MAGI2: variants seen among roughly 807,000 people sequenced by gnomAD.
MAGI2 encodes membrane-associated guanylate kinase, WW and PDZ domain-containing protein 2.
Under a neutral mutation model 133.3 loss-of-function variants are expected in MAGI2, and 35 were observed. The ratio of observed to expected loss-of-function variants is 0.26; its 90% CI spans 0.20 to 0.35. MAGI2 has a LOEUF of 0.35. Among genes scored for constraint, MAGI2 ranks in the 10% least tolerant of loss-of-function variants. MAGI2 has a pLI of 1.00. For missense variants in MAGI2, 1,636 were observed against 1,863.4 expected (o/e 0.88, Z 2.25); for synonymous variants, 729 against 710.6 (o/e 1.03, Z -0.41).
chr7:78,695,357 C>T (rs1817400472), intron 2 of MAGI2, among the ~76,000 whole-genome samples: 2 of 152,218 alleles, frequency 1.3e-5, no homozygotes, highest in African/African-American at 4.8e-5. Context: ...CTGACAGTCA[C>T]ATTTACAATG....
chr7:78,757,567 C>T (rs941786367), intron 2 of MAGI2, among the ~76,000 whole-genome samples: 2 of 152,160 alleles, frequency 1.3e-5, no homozygotes, highest in South Asian at 4.2e-4. Flanking sequence ...CTTGAACTCT[C>T]AATGTCACTA....
intron 21 of MAGI2, among the ~76,000 whole-genome samples, chr7:78,049,598 T>C (rs542354099): frequency 6.6e-6 from 1 of 152,352 alleles, no homozygotes; most frequent in African/African-American, 2.4e-5. Context: ...ATGATGTTTT[T>C]TTTAAGTGGC....
rs996387623 is a variant in MAGI2 at position 78,019,665 on chromosome 7, C to A, written c.4018G>T (p.Ala1340Ser). ...EAPGGQGRPE[A>S]GRPASEARAP... ...CTGGCCTCCGAGGCGGGCCTGCCGG[C>A]CTCGGGCCGCCCCTGGCCGCCGGGC... The change falls in exon 22 of 22, where the codon GCC becomes TCC. Residue 1340 changes from alanine to serine, a missense_variant. Transcript: ENST00000354212. 2 of 1,303,484 alleles carry A rather than the reference C, an allele frequency of 1.5e-6. No homozygotes were observed. Among genetic ancestry groups the A allele is most frequent in the African/African-American group, 1.6e-5 (1 of 63,416 alleles). 80.7% of individuals were successfully genotyped at this position (1,303,484 alleles called of 1,614,324 possible).
chr7:78,562,749 G>T (rs1410825463), intron 3 of MAGI2, among the ~76,000 whole-genome samples: 1 of 152,160 alleles, frequency 6.6e-6, no homozygotes, highest in Non-Finnish European at 1.5e-5. Flanking sequence ...TTGGATGTGT[G>T]CTAGGCAGAG....
At chr7:78,832,720 TTATTGTAAA>T (rs1251565916) in intron 2 of MAGI2, among the ~76,000 whole-genome samples, 2 of 152,184 alleles carry the variant, frequency 1.3e-5, no homozygotes, top group African/African-American at 2.4e-5. Flanking sequence ...ATGCTCCTGA[TTATTGTAAA>T]TACAAAGTGG....
chr7:78,826,271 A>G (rs1348406522), intron 2 of MAGI2, among the ~76,000 whole-genome samples: 2 of 150,764 alleles, frequency 1.3e-5, no homozygotes, highest in African/African-American at 2.4e-5. Flanking sequence ...GGAGAACGGC[A>G]TGAACCCGGG....
At chr7:78,168,557 T>C (rs982577156) in intron 14 of MAGI2, among the ~76,000 whole-genome samples, 17 of 152,214 alleles carry the variant, frequency 1.1e-4, no homozygotes, top group African/African-American at 4.1e-4. Context: ...AGGTGAGGAT[T>C]GAATTCTGGC....
At chr7:78,425,328 A>C (rs6466212) in intron 6 of MAGI2, among the ~76,000 whole-genome samples, 1 of 151,994 alleles carries the variant, frequency 6.6e-6, no homozygotes, top group African/African-American at 2.4e-5. Context: ...AGCCACGTGG[A>C]ACTGTAAGTC....
chr7:78,769,197 A>G (rs180808822), intron 2 of MAGI2, among the ~76,000 whole-genome samples: 157 of 152,280 alleles, frequency 1.0e-3, no homozygotes, highest in Non-Finnish European at 1.9e-3. Flanking sequence ...AAAAAGGGAA[A>G]ACATGATAAG....
At chr7:79,148,818 C>CAT (rs1172894431) in intron 1 of MAGI2, among the ~76,000 whole-genome samples, 84 of 147,728 alleles carry the variant, frequency 5.7e-4, no homozygotes, top group African/African-American at 1.5e-3. Flanking sequence ...GGTGGTTATC[C>CAT]ATATATATAT....
At chr7:79,203,166 T>C (rs879072374) in intron 1 of MAGI2, among the ~76,000 whole-genome samples, 1 of 152,076 alleles carries the variant, frequency 6.6e-6, no homozygotes, top group African/African-American at 2.4e-5. Context: ...CCAGTGATAC[T>C]AACACTAGTA....
intron 2 of MAGI2, among the ~76,000 whole-genome samples, chr7:78,963,726 TC>T (rs1803063582): frequency 6.6e-6 from 1 of 151,828 alleles, no homozygotes; most frequent in African/African-American, 2.4e-5. Flanking sequence ...TCCTTTTTTT[TC>T]CTTAAAAAAA....
Position 78,649,268 on chromosome 7 carries a change from TA to T in MAGI2, c.419-22030del, listed in dbSNP as rs551726122. Among the ~76,000 whole-genome samples the T allele has an allele frequency of 3.0e-3, 241 of 79,968 alleles. 2 individuals carry two copies. Among genetic ancestry groups the T allele is most frequent in the African/African-American group, 0.013 (230 of 17,576 alleles). The allele number at this position is 79,968 out of a possible 152,430, so 52.5% of individuals were successfully genotyped here. ...AAAGAAAAAAAGTAATGACACTTTT[TA>T]AAAATTTGCATTTTTATAAATTTTT... On this transcript the variant is annotated intron_variant, in intron 2 of 21. Coordinates refer to ENST00000354212, the MANE Select transcript of MAGI2 (RefSeq NM_012301.4).
chr7:79,330,827 C>G (rs147472443), intron 1 of MAGI2, among the ~76,000 whole-genome samples: 1 of 152,008 alleles, frequency 6.6e-6, no homozygotes, highest in Non-Finnish European at 1.5e-5. Context: ...ATATGCAATA[C>G]AAGTTGCTAT....
chr7:79,319,466 T>A (rs1371402771), intron 1 of MAGI2, among the ~76,000 whole-genome samples: 1 of 152,144 alleles, frequency 6.6e-6, no homozygotes, highest in South Asian at 2.1e-4. Flanking sequence ...GTCATGTAAC[T>A]AAGTCTGGCC....
At chr7:78,950,148 C>G (rs1273793959) in intron 2 of MAGI2, among the ~76,000 whole-genome samples, 1 of 152,116 alleles carries the variant, frequency 6.6e-6, no homozygotes, top group African/African-American at 2.4e-5. Context: ...TGATGATTCT[C>G]CTGGTCTTCC....
intron 2 of MAGI2, among the ~76,000 whole-genome samples, chr7:78,641,628 A>T (rs17151226): frequency 0.066 from 10,097 of 152,018 alleles, 452 homozygotes; most frequent in Non-Finnish European, 0.093. Context: ...GCACTACCTC[A>T]AGAGAGAAAA....
At chr7:79,166,368 C>T (rs1824913555) in intron 1 of MAGI2, among the ~76,000 whole-genome samples, 1 of 152,008 alleles carries the variant, frequency 6.6e-6, no homozygotes, top group Middle Eastern at 3.2e-3. Context: ...AAGGCAGGGA[C>T]CCTGAGTTCT....
At chr7:78,573,591 C>G (rs1191207564) in intron 3 of MAGI2, among the ~76,000 whole-genome samples, 1 of 149,288 alleles carries the variant, frequency 6.7e-6, no homozygotes, top group East Asian at 2.0e-4. Context: ...TCATTTATTC[C>G]CAATTATTTG....
Sources: gnomAD v4.1 joint callset for allele counts (sites outside exome capture counted in the v4.1 genomes callset) on GRCh38, gnomAD v4.1.1 for gene constraint, MANE v1.5 for transcripts, NCBI Gene and HGNC (gene_info 2026-07-23, HGNC 2026-07-21) for gene names.